Variants in RGS7BP observed in about 807,000 individuals in gnomAD.
RGS7BP encodes the protein regulator of G protein signaling 7-binding protein.
A neutral mutation model predicts 31.3 loss-of-function variants in RGS7BP; 9 were observed. That is an observed-to-expected ratio of 0.29 (90% CI 0.17 to 0.50). The LOEUF (loss-of-function observed/expected upper bound fraction) is 0.50. RGS7BP is among the 20% of genes least tolerant of loss of function. RGS7BP has a pLI of 0.98. For synonymous variants in RGS7BP, 115 were observed against 120.1 expected, an observed-to-expected ratio of 0.96 and a Z score of 0.28; for missense variants, 274 against 322.0, an observed-to-expected ratio of 0.85 and a Z score of 1.14.
At chr5:64,594,031 A>G (rs1742993822) in intron 3 of RGS7BP, among the ~76,000 whole-genome samples, 1 of 152,192 alleles carries the variant, frequency 6.6e-6, no homozygotes, top group Non-Finnish European at 1.5e-5. Flanking sequence ...GTTGAGATCA[A>G]TCATGGTAAA....
At chr5:64,508,740 TTATC>T (rs746133797) in intron 2 of RGS7BP, among the ~76,000 whole-genome samples, 1 of 152,346 alleles carries the variant, frequency 6.6e-6, no homozygotes, top group South Asian at 2.1e-4. Flanking sequence ...ATTTACCTGT[TTATC>T]TATGTGAGTA....
chr5:64,575,736 G>A (rs759215751), intron 2 of RGS7BP, 38 bp from the exon 3 acceptor site: 5 of 1,576,290 alleles, frequency 3.2e-6, no homozygotes, highest in Middle Eastern at 3.4e-4. Context: ...GTGAAATCTT[G>A]AGAATGTTCA....
intron 2 of RGS7BP, among the ~76,000 whole-genome samples, chr5:64,572,850 G>A (rs1187468896): frequency 1.3e-5 from 2 of 149,776 alleles, no homozygotes; most frequent in Non-Finnish European, 3.0e-5. Flanking sequence ...TAAGTTTTAG[G>A]GTACATGTGC....
At chr5:64,547,284 T>C (rs1741681460) in intron 2 of RGS7BP, among the ~76,000 whole-genome samples, 1 of 152,220 alleles carries the variant, frequency 6.6e-6, no homozygotes, top group South Asian at 2.1e-4. Context: ...AGGGTTGATA[T>C]ATATTTAACT....
At chr5:64,600,376 G>A (rs976923263) in intron 5 of RGS7BP, among the ~76,000 whole-genome samples, 5 of 152,122 alleles carry the variant, frequency 3.3e-5, no homozygotes, top group African/African-American at 1.2e-4. Context: ...TTGACTGTGT[G>A]TTAATAGAAA....
intron 2 of RGS7BP, among the ~76,000 whole-genome samples, chr5:64,572,945 T>A (rs1455994304): frequency 1.3e-5 from 2 of 148,730 alleles, no homozygotes; most frequent in African/African-American, 4.9e-5. Flanking sequence ...ATTAGGTATA[T>A]CTCCTAATGC....
At chr5:64,507,914 T>A in intron 2 of RGS7BP, 37 bp downstream of exon 2, 1 of 1,543,230 alleles carries the variant, frequency 6.5e-7, no homozygotes, top group African/African-American at 1.4e-5. Flanking sequence ...TCCATATACA[T>A]GATGCATGGA....
chr5:64,557,998 A>C (rs147133790), intron 2 of RGS7BP, among the ~76,000 whole-genome samples: 3 of 152,074 alleles, frequency 2.0e-5, no homozygotes, highest in Non-Finnish European at 2.9e-5. Flanking sequence ...TGCAAACCAA[A>C]TAGGATTTGC....
intron 2 of RGS7BP, among the ~76,000 whole-genome samples, chr5:64,547,902 C>A (rs1741698301): frequency 6.6e-6 from 1 of 152,116 alleles, no homozygotes; most frequent in East Asian, 1.9e-4. Context: ...TTGAAGAATG[C>A]TAATAGGCCT....
intron 2 of RGS7BP, among the ~76,000 whole-genome samples, chr5:64,525,918 C>T (rs1390532113): frequency 6.6e-6 from 1 of 152,152 alleles, no homozygotes; most frequent in African/African-American, 2.4e-5. Flanking sequence ...GCATCCAGAT[C>T]ACAGGAAGGA....
At chr5:64,546,063 A>T (rs2111823697) in intron 2 of RGS7BP, among the ~76,000 whole-genome samples, 1 of 152,330 alleles carries the variant, frequency 6.6e-6, no homozygotes, top group East Asian at 1.9e-4. Flanking sequence ...CTGAGACAGG[A>T]GAATTGTTTG....
chr5:64,592,825 G>C (rs554773754), intron 3 of RGS7BP, among the ~76,000 whole-genome samples: 2 of 152,248 alleles, frequency 1.3e-5, no homozygotes, highest in South Asian at 4.1e-4. Context: ...AAAAGCAGAG[G>C]ACTGTTTTGG....
chr5:64,601,712 G>A (rs1743223394), intron 5 of RGS7BP, among the ~76,000 whole-genome samples: 1 of 152,100 alleles, frequency 6.6e-6, no homozygotes, highest in South Asian at 2.1e-4. Flanking sequence ...AGTGCTGTAG[G>A]GAGCTTCATT....
intron 3 of RGS7BP, among the ~76,000 whole-genome samples, chr5:64,583,629 TA>T (rs1409720671): frequency 1.3e-5 from 2 of 152,206 alleles, no homozygotes; most frequent in African/African-American, 2.4e-5. Flanking sequence ...ACTGGGTGGC[TA>T]CTTTGGAAGG....
intron 5 of RGS7BP, among the ~76,000 whole-genome samples, chr5:64,605,244 A>G (rs534066347): frequency 6.6e-6 from 1 of 152,172 alleles, no homozygotes; most frequent in Non-Finnish European, 1.5e-5. Context: ...CTTAATTAGA[A>G]GCCACATCTA....
At chr5:64,577,433 C>T (rs1046822330) in intron 3 of RGS7BP, among the ~76,000 whole-genome samples, 6 of 151,810 alleles carry the variant, frequency 4.0e-5, no homozygotes, top group African/African-American at 1.5e-4. Context: ...CAGTGAGACT[C>T]CATCTCGAAA....
At chr5:64,548,527 T>C (rs1319121985) in intron 2 of RGS7BP, among the ~76,000 whole-genome samples, 3 of 152,194 alleles carry the variant, frequency 2.0e-5, no homozygotes, top group African/African-American at 7.2e-5. Context: ...TTTTACTTTC[T>C]GAGATGGAGT....
intron 2 of RGS7BP, among the ~76,000 whole-genome samples, chr5:64,510,755 G>GT (rs1385475863): frequency 6.6e-6 from 1 of 152,130 alleles, no homozygotes; most frequent in African/African-American, 2.4e-5. Context: ...TTAACACTTG[G>GT]TTTTTTGTCA....
chr5:64,554,733 C>A (rs2111844989), intron 2 of RGS7BP, among the ~76,000 whole-genome samples: 1 of 152,214 alleles, frequency 6.6e-6, no homozygotes, highest in South Asian at 2.1e-4. Flanking sequence ...TTTAATCCTT[C>A]AAGTGCTTTA....
Sources: gnomAD v4.1 joint callset for allele counts (sites outside exome capture counted in the v4.1 genomes callset) on GRCh38, gnomAD v4.1.1 for gene constraint, MANE v1.5 for transcripts, NCBI Gene and HGNC (gene_info 2026-07-23, HGNC 2026-07-21) for gene names.